Variants in MRGPRX3 observed in about 807,000 individuals in gnomAD.
MRGPRX3 encodes mas-related G protein-coupled receptor member X3.
Under a neutral mutation model 16.5 loss-of-function variants are expected in MRGPRX3, and 14 were observed. That is an observed-to-expected ratio of 0.85 (90% CI 0.56 to 1.33). The LOEUF (loss-of-function observed/expected upper bound fraction) is 1.33, where lower values mean the gene tolerates loss of function less well. MRGPRX3 is among the 40% of genes most tolerant of loss of function. MRGPRX3 has a pLI of 0.00. For synonymous variants in MRGPRX3, 199 were observed against 180.1 expected (o/e 1.10, Z -0.84); for missense variants, 449 against 413.0 (o/e 1.09, Z -0.76).
chr11:18,132,372 C>T (rs1438116252), upstream of MRGPRX3: 2 of 152,092 alleles, frequency 1.3e-5, no homozygotes, highest in Admixed American at 6.5e-5. Flanking sequence ...AATGTGATGC[C>T]TAGGCCCATA....
chr11:18,122,692 G>T (rs781490090), intron 1 of MRGPRX3, among the ~76,000 whole-genome samples: 1 of 152,102 alleles, frequency 6.6e-6, no homozygotes, highest in African/African-American at 2.4e-5. Context: ...AATCCTTTGG[G>T]TATATACCCA....
chr11:18,133,232 A>G (rs1848979182), intron 1 of MRGPRX3, among the ~76,000 whole-genome samples: 2 of 152,254 alleles, frequency 1.3e-5, no homozygotes, highest in South Asian at 4.1e-4. Flanking sequence ...AAGCAGCAAT[A>G]CATAGGGGAG....
upstream of MRGPRX3, among the ~76,000 whole-genome samples, chr11:18,130,846 A>T (rs1162509316): frequency 6.6e-6 from 1 of 152,198 alleles, no homozygotes; most frequent in Non-Finnish European, 1.5e-5. Flanking sequence ...ACATAGACCA[A>T]TGGAAAAGAA....
chr11:18,135,058 C>T (rs562850690), intron 1 of MRGPRX3, among the ~76,000 whole-genome samples: 1 of 152,306 alleles, frequency 6.6e-6, no homozygotes, highest in East Asian at 1.9e-4. Context: ...GAGAACAGAA[C>T]TGGAGTCTCG....
upstream of MRGPRX3, among the ~76,000 whole-genome samples, chr11:18,127,839 G>T (rs1460866140): frequency 6.6e-6 from 1 of 152,214 alleles, no homozygotes; most frequent in Non-Finnish European, 1.5e-5. Context: ...TGGAGGAGGA[G>T]AGGTGCTCTG....
intron 1 of MRGPRX3, among the ~76,000 whole-genome samples, chr11:18,124,553 G>GAAA (rs1848871496): frequency 1.3e-5 from 2 of 152,146 alleles, no homozygotes; most frequent in African/African-American, 4.8e-5. Flanking sequence ...TGATCATGGT[G>GAAA]AGTAAGCTTT....
chr11:18,127,541 C>T (rs1848913654), intron 1 of MRGPRX3, among the ~76,000 whole-genome samples: 1 of 152,160 alleles, frequency 6.6e-6, no homozygotes. Context: ...TCACTGATAC[C>T]CTTTCTTCCA....
Position 18,138,089 on chromosome 11 carries a change from A to G in MRGPRX3, c.887A>G (p.Gln296Arg). The change falls in exon 2 of 2, where the codon CAG becomes CGG. Residue 296 changes from glutamine (Q) to arginine (R), a missense_variant. Transcript: ENST00000621697. ...AAGCTGGTTCTCCAGAGGGCTCTGC[A>G]GGACACGCCTGAGGTGGATGAAGGT... ...NLKLVLQRAL[Q>R]DTPEVDEGGG... The G allele has an allele frequency of 6.2e-7, 1 of 1,614,204 alleles. No individual in the cohort carries two copies. The highest frequency in any genetic ancestry group is 8.5e-7 in the Non-Finnish European group (1 of 1,180,026).
chr11:18,123,275 C>T (rs565372921), intron 1 of MRGPRX3, among the ~76,000 whole-genome samples: 7,917 of 151,840 alleles, frequency 0.052, 636 homozygotes, highest in African/African-American at 0.18. Flanking sequence ...GCCTATGTCC[C>T]GAATGGTATT....
At chr11:18,131,674 C>T (rs1259898132), upstream of MRGPRX3, among the ~76,000 whole-genome samples, 1 of 151,898 alleles carries the variant, frequency 6.6e-6, no homozygotes, top group Non-Finnish European at 1.5e-5. Context: ...CCAGCAATCC[C>T]ATTAAATATG....
At chr11:18,127,865 T>A (rs868637904), upstream of MRGPRX3, among the ~76,000 whole-genome samples, 7 of 152,184 alleles carry the variant, frequency 4.6e-5, no homozygotes, top group Non-Finnish European at 7.3e-5. Flanking sequence ...TAGAATTTTC[T>A]GTTTTTCTGC....
chr11:18,127,999 C>G (rs2134081337), upstream of MRGPRX3, among the ~76,000 whole-genome samples: 1 of 152,314 alleles, frequency 6.6e-6, no homozygotes, highest in Non-Finnish European at 1.5e-5. Context: ...AGTCAGGACC[C>G]TCAGCTGCAG....
rs143932029 is a variant in MRGPRX3 at position 18,135,523 on chromosome 11, A to T, written c.-25-1655A>T. 7.7e-3 allele frequency among the ~76,000 whole-genome samples: 1,169 copies of T among 152,270 alleles called. 5 individuals carry two copies. The highest frequency in any genetic ancestry group is 0.013 in the Non-Finnish European group (901 of 68,020). On this transcript the variant is annotated intron_variant, in intron 1 of 1. Coordinates refer to ENST00000621697, the MANE Select transcript of MRGPRX3 (RefSeq NM_001370464.1). ...CTTTCCACCTGGAGAGCTCCTGCCC[A>T]TGTGCATTCTTGGGATTCCAGAGCA...
chr11:18,124,949 C>T lies in MRGPRX3; in HGVS notation c.-152+3785C>T, dbSNP rs542307155. On this transcript the variant is annotated intron_variant, in intron 1 of 2. Coordinates refer to the MRGPRX3 transcript ENST00000396275. ...TATGTGTCGAGGAATTTATCCATTT[C>T]TTCTAGATTTTCTAGTTTATTTGCA... Among the ~76,000 whole-genome samples, 11 of 152,332 alleles carry T rather than the reference C, an allele frequency of 7.2e-5. No individual in the cohort carries two copies. In the South Asian group the frequency reaches 2.3e-3, roughly 32 times the overall value.
intron 1 of MRGPRX3, among the ~76,000 whole-genome samples, chr11:18,136,543 A>G (rs1019220532): frequency 2.0e-5 from 3 of 152,038 alleles, no homozygotes; most frequent in Non-Finnish European, 4.4e-5. Flanking sequence ...TTTATTTTCC[A>G]TTTCATCCAA....
At position 18,124,465 on chromosome 11, in the gene MRGPRX3, G is replaced by T. The variant is rs1848870443; in HGVS notation, c.-152+3301G>T. Among the ~76,000 whole-genome samples, 9 of 152,216 alleles carry T rather than the reference G, an allele frequency of 5.9e-5. No homozygotes were observed. The South Asian group carries it at 1.9e-3, about 32-fold the overall frequency. ...GATAATCATGTGGTTTTTGTCTTTG[G>T]TTCTGTTTATATGCTGGATTATGTT... On this transcript the variant is annotated intron_variant, in intron 1 of 2. Coordinates refer to the MRGPRX3 transcript ENST00000396275.
chr11:18,134,169 A>G (rs1848986999), intron 1 of MRGPRX3, among the ~76,000 whole-genome samples: 1 of 152,242 alleles, frequency 6.6e-6, no homozygotes, highest in South Asian at 2.1e-4. Flanking sequence ...TGCATAGAAA[A>G]TAAAATGTAA....
At chr11:18,129,718 G>T (rs2134082289), upstream of MRGPRX3, among the ~76,000 whole-genome samples, 1 of 152,098 alleles carries the variant, frequency 6.6e-6, no homozygotes, top group South Asian at 2.1e-4. Flanking sequence ...AACCAGGAAA[G>T]GATATACAAA....
intron 1 of MRGPRX3, among the ~76,000 whole-genome samples, chr11:18,133,003 T>A (rs1321285682): frequency 1.3e-5 from 2 of 152,216 alleles, no homozygotes; most frequent in Admixed American, 1.3e-4. Flanking sequence ...GAGAGACTGC[T>A]GCCTCTTACA....
Sources: allele counts gnomAD v4.1 joint callset (sites outside exome capture counted in the v4.1 genomes callset), GRCh38; gene constraint gnomAD v4.1.1; transcripts MANE v1.5; gene names NCBI Gene and HGNC (gene_info 2026-07-23, HGNC 2026-07-21).